The following PCLO variants were observed in gnomAD, a reference collection of about 807,000 sequenced individuals.
PCLO encodes piccolo presynaptic cytomatrix protein, also known as protein piccolo.
Under a neutral mutation model 427.5 loss-of-function variants are expected in PCLO, and 82 were observed. The ratio of observed to expected loss-of-function variants is 0.19; its 90% CI spans 0.16 to 0.23. The LOEUF (loss-of-function observed/expected upper bound fraction) is 0.23, where lower values mean the gene tolerates loss of function less well. Among genes scored for constraint, PCLO ranks in the 10% least tolerant of loss-of-function variants. The pLI is 1.00. For missense variants in PCLO, 6,239 were observed against 6,115.9 expected (o/e 1.02, Z -0.67); for synonymous variants, 2,357 against 2,155.4 (o/e 1.09, Z -2.59).
chr7:82,826,543 T>C (rs1383353057), intron 18 of PCLO, 46 bp downstream of exon 18: 1 of 1,243,286 alleles, frequency 8.0e-7, no homozygotes, highest in Non-Finnish European at 1.2e-6. Context: ...CTTTAATTGG[T>C]GGTTTACCAT....
At chr7:82,847,717 T>C (rs1287595571) in intron 10 of PCLO, among the ~76,000 whole-genome samples, 1 of 152,186 alleles carries the variant, frequency 6.6e-6, no homozygotes, top group Non-Finnish European at 1.5e-5. Context: ...GAAACTGTTG[T>C]AGCTTCTATT....
intron 3 of PCLO, among the ~76,000 whole-genome samples, chr7:83,028,896 G>T (rs984956368): frequency 6.6e-6 from 1 of 151,844 alleles, no homozygotes; most frequent in African/African-American, 2.4e-5. Context: ...GGGAAAACTG[G>T]CTAGCCATAT....
intron 3 of PCLO, among the ~76,000 whole-genome samples, chr7:83,030,246 C>T (rs1788632298): frequency 2.0e-5 from 3 of 151,770 alleles, no homozygotes; most frequent in Admixed American, 1.3e-4. Flanking sequence ...CTACACATCA[C>T]ACTGTGTATA....
At chr7:83,115,997 C>T (rs1562971239) in intron 3 of PCLO, among the ~76,000 whole-genome samples, 2 of 151,800 alleles carry the variant, frequency 1.3e-5, no homozygotes, top group Non-Finnish European at 2.9e-5. Flanking sequence ...CACACATATA[C>T]ATATATGTAT....
chr7:82,825,453 G>A (rs1791911261), intron 18 of PCLO, among the ~76,000 whole-genome samples: 1 of 151,960 alleles, frequency 6.6e-6, no homozygotes, highest in Non-Finnish European at 1.5e-5. Context: ...CAGTTTTGGT[G>A]AAAAGAGATG....
At position 82,756,503 on chromosome 7, in the gene PCLO, C is replaced by T. The variant is rs1184091608; in HGVS notation, c.*2072G>A. 3.3e-5 allele frequency: 5 copies of T among 151,418 alleles called. No homozygotes were observed. Among genetic ancestry groups the T allele is most frequent in the Non-Finnish European group, 5.9e-5 (4 of 67,898 alleles). The allele number at this position is 151,418 out of a possible 1,614,324, so 9.4% of individuals were successfully genotyped here. On this transcript the variant is annotated 3_prime_UTR_variant, in exon 25 of 25. Coordinates refer to ENST00000333891, the MANE Select transcript of PCLO (RefSeq NM_033026.6). ...GAAGAAAAGTTATGGTTATCTTTCT[C>T]AGTTTGGGGAAGATCGAATTTGTAT...
In PCLO at chr7:82,799,554, T is replaced by A. The variant is rs529419741; in HGVS notation, c.15007+1964A>T. 6.8e-3 allele frequency among the ~76,000 whole-genome samples: 1,033 copies of A among 152,270 alleles called. 7 individuals are homozygous for A. The highest frequency in any genetic ancestry group is 0.012 in the Non-Finnish European group (792 of 68,018). On this transcript the variant is annotated intron_variant, in intron 22 of 24. Coordinates refer to ENST00000333891, the MANE Select transcript of PCLO (RefSeq NM_033026.6). ...AAATATTGTGCTGGCCCTATACTTA[T>A]ATGCTCTCAGATGCATTCTTCGGTC...
intron 22 of PCLO, among the ~76,000 whole-genome samples, chr7:82,799,555 A>G (rs6965452): frequency 0.85 from 128,634 of 152,116 alleles, 54,470 homozygotes; most frequent in East Asian, 0.93. Context: ...CTATACTTAT[A>G]TGCTCTCAGA....
chr7:83,080,851 T>A (rs1210956754), intron 3 of PCLO, among the ~76,000 whole-genome samples: 4 of 151,986 alleles, frequency 2.6e-5, no homozygotes, highest in Non-Finnish European at 5.9e-5. Flanking sequence ...ACTATCTTTT[T>A]CCCCATATAT....
intron 10 of PCLO, among the ~76,000 whole-genome samples, chr7:82,875,496 A>T (rs373413087): frequency 6.6e-6 from 1 of 152,114 alleles, no homozygotes; most frequent in Non-Finnish European, 1.5e-5. Flanking sequence ...GCAGTCACTC[A>T]GCACCTTCAG....
chr7:83,015,482 CAT>C (rs2116020451), intron 3 of PCLO, among the ~76,000 whole-genome samples: 1 of 152,200 alleles, frequency 6.6e-6, no homozygotes, highest in East Asian at 1.9e-4. Flanking sequence ...GTAGATAAAA[CAT>C]AATGCTTTGT....
intron 6 of PCLO, among the ~76,000 whole-genome samples, chr7:82,932,464 G>C (rs1794860981): frequency 6.6e-6 from 1 of 152,126 alleles, no homozygotes; most frequent in South Asian, 2.1e-4. Flanking sequence ...AAATATATGG[G>C]AGGTACATTA....
intron 3 of PCLO, among the ~76,000 whole-genome samples, chr7:83,121,272 G>A (rs914760143): frequency 2.6e-5 from 4 of 152,080 alleles, no homozygotes; most frequent in Admixed American, 2.6e-4. Flanking sequence ...CCATTTGCTT[G>A]TTTGTTTGTT....
At chr7:83,031,647 T>G (rs1410205554) in intron 3 of PCLO, among the ~76,000 whole-genome samples, 2 of 152,138 alleles carry the variant, frequency 1.3e-5, no homozygotes, top group Non-Finnish European at 1.5e-5. Context: ...TGATTGACTT[T>G]CTTCTCTAAG....
intron 9 of PCLO, among the ~76,000 whole-genome samples, chr7:82,889,397 G>T (rs62461407): frequency 0.019 from 2,826 of 152,136 alleles, 37 homozygotes; most frequent in Middle Eastern, 0.065. Context: ...ATTAATCAAA[G>T]AAATAATACT....
Position 83,162,851 on chromosome 7 carries a change from G to C in PCLO, c.-259C>G, listed in dbSNP as rs1792485108. 1 of 515,246 alleles carries C rather than the reference G, an allele frequency of 1.9e-6. No homozygotes were observed. The highest frequency in any genetic ancestry group is 2.7e-5 in the South Asian group (1 of 37,446). The allele number at this position is 515,246 out of a possible 1,614,324, so 31.9% of individuals were successfully genotyped here. A position where few individuals can be genotyped will look rare whatever the true frequency, so the allele number is the denominator to read the frequency against. Reference sequence around the variant, plus strand: ...TTGCAGAAGACACCTCCCGGACGCCGCCTCGGCGCCCCGAGCCGGGGAGAA... The same window carrying C: ...TTGCAGAAGACACCTCCCGGACGCCCCCTCGGCGCCCCGAGCCGGGGAGAA... On this transcript the variant is annotated 5_prime_UTR_variant, in exon 1 of 25. Transcript: ENST00000333891.
chr7:82,762,676 T>C (rs2129467595), intron 22 of PCLO, among the ~76,000 whole-genome samples: 1 of 152,222 alleles, frequency 6.6e-6, no homozygotes, highest in Admixed American at 6.6e-5. Context: ...GAAAATGTTT[T>C]AAAGAACATA....
intron 6 of PCLO, among the ~76,000 whole-genome samples, chr7:82,918,541 A>G (rs1424528287): frequency 1.3e-5 from 2 of 152,080 alleles, no homozygotes; most frequent in Non-Finnish European, 2.9e-5. Context: ...AGATCCTACA[A>G]TAATTTTCTT....
chr7:82,787,724 A>C (rs1791013533), intron 22 of PCLO, among the ~76,000 whole-genome samples: 1 of 152,174 alleles, frequency 6.6e-6, no homozygotes, highest in South Asian at 2.1e-4. Context: ...GCAACAGCTC[A>C]TATTAATTTT....
Sources: allele counts gnomAD v4.1 joint callset (sites outside exome capture counted in the v4.1 genomes callset), GRCh38; gene constraint gnomAD v4.1.1; transcripts MANE v1.5; gene names NCBI Gene and HGNC (gene_info 2026-07-23, HGNC 2026-07-21).